Variants in NTNG1 observed in about 807,000 individuals in gnomAD.
NTNG1 encodes netrin-G1.
A neutral mutation model predicts 54.0 loss-of-function variants in NTNG1; 16 were observed. That is an observed-to-expected ratio of 0.30 (90% CI 0.20 to 0.45). The LOEUF (loss-of-function observed/expected upper bound fraction) is 0.45. Ranked by LOEUF, NTNG1 falls within the 20% of genes least tolerant of loss-of-function variation. The probability of loss-of-function intolerance (pLI) is 1.00; values close to 1 mark genes in which losing one functional copy is unlikely to be tolerated. For synonymous variants in NTNG1, 255 were observed against 263.1 expected (o/e 0.97, Z 0.30); for missense variants, 530 against 678.7 (o/e 0.78, Z 2.43).
intron 2 of NTNG1, among the ~76,000 whole-genome samples, chr1:107,280,401 T>C (rs1664772983): frequency 6.6e-6 from 1 of 151,926 alleles, no homozygotes; most frequent in South Asian, 2.1e-4. Flanking sequence ...TCTATCTTTC[T>C]TTGAGTTTCT....
intron 5 of NTNG1, among the ~76,000 whole-genome samples, chr1:107,425,104 T>A (rs578019044): frequency 6.6e-6 from 1 of 152,150 alleles, no homozygotes; most frequent in South Asian, 2.1e-4. Context: ...GAACTTCAAA[T>A]GAGACTTGTT....
chr1:107,400,166 CT>C (rs1293769606), intron 4 of NTNG1, among the ~76,000 whole-genome samples: 30 of 152,254 alleles, frequency 2.0e-4, no homozygotes, highest in Admixed American at 1.3e-4. Flanking sequence ...TTTCTTTCCC[CT>C]AAAGCATTTT....
chr1:107,317,931 A>G (rs975131631), intron 2 of NTNG1, among the ~76,000 whole-genome samples: 15 of 152,162 alleles, frequency 9.9e-5, no homozygotes, highest in Non-Finnish European at 2.9e-5. Context: ...TTTATCCTCT[A>G]CTATTCTTAG....
chr1:107,442,612 C>A lies in NTNG1; in HGVS notation c.1390+5813C>A, dbSNP rs115790087. 4.7e-3 allele frequency among the ~76,000 whole-genome samples: 660 copies of A among 139,836 alleles called. 9 individuals carry two copies. The highest frequency in any genetic ancestry group is 0.016 in the African/African-American group (633 of 39,214). 91.7% of individuals were successfully genotyped at this position (139,836 alleles called of 152,430 possible). A position where few individuals can be genotyped will look rare whatever the true frequency, so the allele number is the denominator to read the frequency against. On this transcript the variant is annotated intron_variant, in intron 7 of 7. Transcript: ENST00000370068. Reference sequence around the variant, plus strand: ...AAAGATATTAGCTTACATTAAAGCTCAATTTTAGACAGTATATTATATAAG... The same window carrying A: ...AAAGATATTAGCTTACATTAAAGCTAAATTTTAGACAGTATATTATATAAG...
intron 7 of NTNG1, 111 bp from the exon 8 acceptor site, chr1:107,480,500 C>G: frequency 8.8e-6 from 6 of 684,932 alleles, no homozygotes; most frequent in South Asian, 7.8e-5. Flanking sequence ...GCACAAAGAT[C>G]GATAGAGATT....
chr1:107,391,703 A>G (rs531135117), intron 3 of NTNG1, among the ~76,000 whole-genome samples: 5 of 152,160 alleles, frequency 3.3e-5, no homozygotes, highest in African/African-American at 1.2e-4. Context: ...AGGAACAAGA[A>G]TGGGGGAGGG....
chr1:107,248,702 GA>G (rs914596140), intron 2 of NTNG1, among the ~76,000 whole-genome samples: 8 of 152,148 alleles, frequency 5.3e-5, no homozygotes, highest in African/African-American at 1.9e-4. Context: ...GGAGGGTGGT[GA>G]AAATGCAAGA....
chr1:107,465,835 A>G (rs900624947), intron 7 of NTNG1, among the ~76,000 whole-genome samples: 3 of 152,230 alleles, frequency 2.0e-5, no homozygotes, highest in African/African-American at 7.2e-5. Flanking sequence ...TGAAGTAATA[A>G]TAATAACAAT....
chr1:107,227,195 A>G (rs1276973846), intron 2 of NTNG1, among the ~76,000 whole-genome samples: 1 of 152,238 alleles, frequency 6.6e-6, no homozygotes, highest in Middle Eastern at 3.4e-3. Context: ...TGGGGTTAAC[A>G]ATAAGAGTAC....
chr1:107,270,848 T>C (rs1664098613), intron 2 of NTNG1, among the ~76,000 whole-genome samples: 1 of 151,968 alleles, frequency 6.6e-6, no homozygotes, highest in African/African-American at 2.4e-5. Flanking sequence ...TTTGTTTGCA[T>C]AATATAATAT....
intron 7 of NTNG1, among the ~76,000 whole-genome samples, chr1:107,462,189 T>G (rs1387555724): frequency 6.6e-6 from 1 of 152,228 alleles, no homozygotes; most frequent in Non-Finnish European, 1.5e-5. Flanking sequence ...CTTGTAATAA[T>G]GGTTCCTACC....
chr1:107,150,380 T>C (rs915565462), intron 2 of NTNG1, among the ~76,000 whole-genome samples: 13 of 152,130 alleles, frequency 8.5e-5, no homozygotes, highest in African/African-American at 3.1e-4. Flanking sequence ...TCATGAAAGG[T>C]CAACTATAAG....
At chr1:107,453,432 T>C (rs988810687) in intron 7 of NTNG1, among the ~76,000 whole-genome samples, 1 of 152,212 alleles carries the variant, frequency 6.6e-6, no homozygotes, top group South Asian at 2.1e-4. Flanking sequence ...AAGACAGTAG[T>C]TCACTGGGGA....
At chr1:107,376,238 C>T (rs974375008) in intron 3 of NTNG1, among the ~76,000 whole-genome samples, 1 of 151,874 alleles carries the variant, frequency 6.6e-6, no homozygotes, top group African/African-American at 2.4e-5. Flanking sequence ...GAAACCCCGT[C>T]TCTACTAAAA....
At chr1:107,308,935 T>G (rs1374421242) in intron 2 of NTNG1, among the ~76,000 whole-genome samples, 1 of 152,210 alleles carries the variant, frequency 6.6e-6, no homozygotes, top group Non-Finnish European at 1.5e-5. Context: ...GCTCTTTGCT[T>G]GACTGTTGTT....
chr1:107,286,409 T>C (rs1366854920), intron 2 of NTNG1, among the ~76,000 whole-genome samples: 1 of 152,178 alleles, frequency 6.6e-6, no homozygotes, highest in Non-Finnish European at 1.5e-5. Context: ...AACCTTCTGC[T>C]GAAGAAATAG....
At chr1:107,253,070 C>A (rs1662713294) in intron 2 of NTNG1, among the ~76,000 whole-genome samples, 1 of 152,136 alleles carries the variant, frequency 6.6e-6, no homozygotes, top group African/African-American at 2.4e-5. Flanking sequence ...CTATTGGTAC[C>A]AAGTATTTTG....
chr1:107,156,395 C>T (rs1407413118), intron 2 of NTNG1, among the ~76,000 whole-genome samples: 1 of 152,032 alleles, frequency 6.6e-6, no homozygotes, highest in Non-Finnish European at 1.5e-5. Context: ...AAATAAGAAT[C>T]TGTTTAGATA....
At chr1:107,383,151 T>C (rs1223279748) in intron 3 of NTNG1, among the ~76,000 whole-genome samples, 1 of 152,206 alleles carries the variant, frequency 6.6e-6, no homozygotes, top group East Asian at 1.9e-4. Flanking sequence ...AACCATTTGA[T>C]GAAATAATCT....
Sources: gnomAD v4.1 joint callset for allele counts (sites outside exome capture counted in the v4.1 genomes callset) on GRCh38, gnomAD v4.1.1 for gene constraint, MANE v1.5 for transcripts, NCBI Gene and HGNC (gene_info 2026-07-23, HGNC 2026-07-21) for gene names.